ADARB1: variants seen among roughly 807,000 people sequenced by gnomAD.
ADARB1 encodes adenosine deaminase RNA specific B1.
A neutral mutation model predicts 52.4 loss-of-function variants in ADARB1; 10 were observed. The observed-to-expected ratio is 0.19, with a 90% CI of 0.12 to 0.32. The LOEUF is 0.32. ADARB1 is among the 10% of genes least tolerant of loss of function. The pLI is 1.00. For missense variants in ADARB1, 643 were observed against 922.3 expected, an observed-to-expected ratio of 0.70 and a Z score of 3.92; for synonymous variants, 349 against 371.1, an observed-to-expected ratio of 0.94 and a Z score of 0.68.
chr21:45,081,642 T>C (rs4818759), intron 1 of ADARB1, among the ~76,000 whole-genome samples: 149,429 of 152,282 alleles, frequency 0.98, 73,337 homozygotes, highest in East Asian at 1. Context: ...CTGTCTTTAT[T>C]GGCATGACCG....
chr21:45,130,849 G>A (rs2088886830), intron 2 of ADARB1, among the ~76,000 whole-genome samples: 1 of 152,106 alleles, frequency 6.6e-6, no homozygotes, highest in Non-Finnish European at 1.5e-5. Context: ...ATTATCTTCT[G>A]AGGCTGGAAC....
At chr21:45,082,504 A>T (rs947250484) in intron 1 of ADARB1, among the ~76,000 whole-genome samples, 39 of 152,224 alleles carry the variant, frequency 2.6e-4, no homozygotes, top group African/African-American at 8.9e-4. Context: ...TTTATTAGGT[A>T]GAACTGGCTC....
chr21:45,187,521 T>G (rs935086547), intron 8 of ADARB1, among the ~76,000 whole-genome samples: 1 of 152,248 alleles, frequency 6.6e-6, no homozygotes, highest in Non-Finnish European at 1.5e-5. Context: ...GCCTACTTAC[T>G]GTGGCTAGAA....
chr21:45,131,497 A>C (rs1429071589), intron 2 of ADARB1, among the ~76,000 whole-genome samples: 2 of 152,228 alleles, frequency 1.3e-5, no homozygotes, highest in Admixed American at 6.5e-5. Context: ...CCTTTTGTGC[A>C]GGACAGTTCC....
chr21:45,077,686 A>C (rs2085998335), intron 1 of ADARB1, among the ~76,000 whole-genome samples: 1 of 152,098 alleles, frequency 6.6e-6, no homozygotes. Flanking sequence ...AAAGAAAAGA[A>C]AAAGAAAACT....
intron 9 of ADARB1, among the ~76,000 whole-genome samples, chr21:45,205,313 A>G (rs778570332): frequency 6.6e-6 from 1 of 152,244 alleles, no homozygotes; most frequent in Non-Finnish European, 1.5e-5. Context: ...GAATGAAATT[A>G]TGACTGGGCT....
Position 45,206,718 on chromosome 21 carries a change from C to T in ADARB1, c.1747+1982C>T, listed in dbSNP as rs111705695. 3.5e-3 allele frequency among the ~76,000 whole-genome samples: 528 copies of T among 152,012 alleles called. 7 individuals are homozygous for T. Among genetic ancestry groups the T allele is most frequent in the African/African-American group, 0.012 (497 of 41,476 alleles). Reference sequence around the variant, plus strand: ...CCTCCCAAGTAGCTGGGATTACAGGCGTGTGCCACCACAGCCAGCTAATTT... The same window carrying T: ...CCTCCCAAGTAGCTGGGATTACAGGTGTGTGCCACCACAGCCAGCTAATTT... On this transcript the variant is annotated intron_variant, in intron 9 of 10. Coordinates refer to ENST00000348831, the MANE Select transcript of ADARB1 (RefSeq NM_001112.4).
At chr21:45,132,738 AG>A (rs1289431125) in intron 2 of ADARB1, among the ~76,000 whole-genome samples, 10 of 152,220 alleles carry the variant, frequency 6.6e-5, no homozygotes, top group African/African-American at 2.4e-4. Flanking sequence ...GAACCTATGC[AG>A]TAAACTCCAT....
intron 1 of ADARB1, among the ~76,000 whole-genome samples, chr21:45,113,262 A>G (rs1368492523): frequency 1.3e-5 from 2 of 152,014 alleles, no homozygotes; most frequent in Non-Finnish European, 2.9e-5. Context: ...ATCTCTACTA[A>G]TAATACAAAA....
At chr21:45,126,334 A>G (rs1460470464) in intron 1 of ADARB1, among the ~76,000 whole-genome samples, 1 of 152,036 alleles carries the variant, frequency 6.6e-6, no homozygotes, top group African/African-American at 2.4e-5. Flanking sequence ...GCAGCTTGTT[A>G]ATTGTGTTGT....
At chr21:45,117,469 C>T (rs1329654555) in intron 1 of ADARB1, among the ~76,000 whole-genome samples, 1 of 152,070 alleles carries the variant, frequency 6.6e-6, no homozygotes, top group African/African-American at 2.4e-5. Flanking sequence ...GTTTTCTGTG[C>T]ACATCTCTCT....
chr21:45,161,696 A>G (rs1292433437), intron 2 of ADARB1, among the ~76,000 whole-genome samples: 2 of 151,814 alleles, frequency 1.3e-5, no homozygotes, highest in African/African-American at 2.4e-5. Flanking sequence ...CCCTGGTGAA[A>G]CTCCACCTTC....
At chr21:45,145,608 A>T (rs2089967592) in intron 2 of ADARB1, 1 of 152,250 alleles carries the variant, frequency 6.6e-6, no homozygotes, top group Non-Finnish European at 1.5e-5. Flanking sequence ...CATTAGGAAT[A>T]AGAAAATGGA....
intron 1 of ADARB1, among the ~76,000 whole-genome samples, chr21:45,104,691 A>C (rs2087169959): frequency 6.6e-6 from 1 of 152,254 alleles, no homozygotes; most frequent in African/African-American, 2.4e-5. Flanking sequence ...AAGCAGGGAA[A>C]TGTCAGCAGT....
intron 2 of ADARB1, among the ~76,000 whole-genome samples, chr21:45,161,769 T>C (rs1202217493): frequency 6.6e-6 from 1 of 152,164 alleles, no homozygotes; most frequent in East Asian, 1.9e-4. Context: ...GAGTGAGAAC[T>C]TACGGTGCTT....
intron 9 of ADARB1, among the ~76,000 whole-genome samples, chr21:45,205,089 T>C (rs1467006060): frequency 6.6e-6 from 1 of 151,894 alleles, no homozygotes; most frequent in African/African-American, 2.4e-5. Context: ...CAAAACCCCA[T>C]CTCTACAAAA....
At chr21:45,150,516 ATAT>A (rs1315102816) in intron 2 of ADARB1, among the ~76,000 whole-genome samples, 10 of 152,362 alleles carry the variant, frequency 6.6e-5, no homozygotes, top group African/African-American at 2.2e-4. Flanking sequence ...TAGTTAAATC[ATAT>A]TAATAATTTT....
chr21:45,163,805 G>A (rs982954815), intron 2 of ADARB1, among the ~76,000 whole-genome samples: 1 of 131,316 alleles, frequency 7.6e-6, no homozygotes. Context: ...AGGGAAACTC[G>A]AGGGACATCT....
intron 2 of ADARB1, among the ~76,000 whole-genome samples, chr21:45,158,011 C>G (rs764892288): frequency 2.6e-5 from 4 of 152,238 alleles, no homozygotes; most frequent in Non-Finnish European, 4.4e-5. Flanking sequence ...CTCTTTCCAG[C>G]TGGTGTCCAG....
Sources: allele counts gnomAD v4.1 joint callset (sites outside exome capture counted in the v4.1 genomes callset), GRCh38; gene constraint gnomAD v4.1.1; transcripts MANE v1.5; gene names NCBI Gene and HGNC (gene_info 2026-07-23, HGNC 2026-07-21).